The following LSAMP variants were observed in gnomAD, a reference collection of about 807,000 sequenced individuals.
LSAMP encodes the protein limbic system associated membrane protein, also known as limbic system-associated membrane protein.
Under a neutral mutation model 38.6 loss-of-function variants are expected in LSAMP, and 7 were observed. The observed-to-expected ratio is 0.18, with a 90% CI of 0.10 to 0.34. The LOEUF (loss-of-function observed/expected upper bound fraction) is 0.34. LSAMP is among the 10% of genes least tolerant of loss of function. LSAMP has a pLI of 1.00. For synonymous variants in LSAMP, 154 were observed against 166.8 expected (o/e 0.92, Z 0.59); for missense variants, 313 against 420.0 (o/e 0.75, Z 2.23).
intron 6 of LSAMP, among the ~76,000 whole-genome samples, chr3:115,834,903 T>C (rs1483372601): frequency 6.6e-6 from 1 of 152,128 alleles, no homozygotes. Flanking sequence ...TTAGATCTTT[T>C]AGAGAGTTGA....
At chr3:116,060,198 G>GTT (rs55818433) in intron 2 of LSAMP, among the ~76,000 whole-genome samples, 21,202 of 141,910 alleles carry the variant, frequency 0.15, 1,672 homozygotes, top group Admixed American at 0.16. Context: ...AAGCAACATA[G>GTT]TTTTTTTTTT....
chr3:116,441,397 G>T (rs1056884191), intron 1 of LSAMP, among the ~76,000 whole-genome samples: 3 of 152,098 alleles, frequency 2.0e-5, no homozygotes, highest in African/African-American at 7.2e-5. Flanking sequence ...ATAGATATGT[G>T]ATAATATAAT....
intron 2 of LSAMP, among the ~76,000 whole-genome samples, chr3:116,070,757 C>G (rs1421481897): frequency 6.6e-6 from 1 of 152,004 alleles, no homozygotes; most frequent in African/African-American, 2.4e-5. Context: ...AAATAATGTA[C>G]CTGCCGGGCA....
chr3:116,031,764 G>A lies in LSAMP; in HGVS notation c.389-12124C>T, dbSNP rs559513763. 9.2e-5 allele frequency among the ~76,000 whole-genome samples: 14 copies of A among 151,696 alleles called. No homozygotes were observed. The South Asian group carries it at 1.7e-3, about 18-fold the overall frequency. On this transcript the variant is annotated intron_variant, in intron 2 of 6. Transcript: ENST00000490035. ...ATTTAGACCAAGAATATGATTCACA[G>A]GAGGTTTTAGAATTTCTTTCTTTGC...
At chr3:115,990,850 G>T (rs1219084808) in intron 3 of LSAMP, among the ~76,000 whole-genome samples, 1 of 151,868 alleles carries the variant, frequency 6.6e-6, no homozygotes, top group Non-Finnish European at 1.5e-5. Context: ...AGATTCCTAG[G>T]GCTTATCCTC....
intron 3 of LSAMP, among the ~76,000 whole-genome samples, chr3:115,937,935 T>C (rs1247915316): frequency 6.6e-6 from 1 of 152,178 alleles, no homozygotes; most frequent in Non-Finnish European, 1.5e-5. Context: ...AGTAATTTAA[T>C]TTACTATTGT....
chr3:116,055,610 T>C (rs1941477144), intron 2 of LSAMP, among the ~76,000 whole-genome samples: 1 of 152,140 alleles, frequency 6.6e-6, no homozygotes, highest in African/African-American at 2.4e-5. Context: ...AGTAACCTAA[T>C]GGAGAAGAAT....
intron 3 of LSAMP, among the ~76,000 whole-genome samples, chr3:115,984,842 G>A (rs1939464381): frequency 1.3e-5 from 2 of 152,280 alleles, no homozygotes; most frequent in South Asian, 2.1e-4. Context: ...TAGGTTTGAA[G>A]GGAGGACATG....
intron 1 of LSAMP, among the ~76,000 whole-genome samples, chr3:116,351,505 T>G (rs780521766): frequency 6.6e-6 from 1 of 152,064 alleles, no homozygotes; most frequent in Admixed American, 6.6e-5. Flanking sequence ...TATTCACATA[T>G]GTACCCATAC....
intron 3 of LSAMP, among the ~76,000 whole-genome samples, chr3:115,986,783 T>A (rs1301480253): frequency 6.6e-6 from 1 of 150,950 alleles, no homozygotes; most frequent in African/African-American, 2.4e-5. Context: ...GAGGAGGGAG[T>A]TTTCATAACA....
chr3:116,229,594 A>C (rs1381245317), intron 1 of LSAMP, among the ~76,000 whole-genome samples: 2 of 152,198 alleles, frequency 1.3e-5, no homozygotes, highest in Admixed American at 1.3e-4. Context: ...GAAATAACTT[A>C]GATTTACAGA....
chr3:115,950,739 AC>A (rs1313728304), intron 3 of LSAMP, among the ~76,000 whole-genome samples: 3 of 150,336 alleles, frequency 2.0e-5, no homozygotes, highest in Non-Finnish European at 4.4e-5. Flanking sequence ...ACTAGGAAAA[AC>A]AATCCTAAAA....
At chr3:116,153,380 T>C (rs1370941533) in intron 1 of LSAMP, among the ~76,000 whole-genome samples, 2 of 152,114 alleles carry the variant, frequency 1.3e-5, no homozygotes, top group Admixed American at 1.3e-4. Flanking sequence ...CTTTGCAGGG[T>C]TTCTCCTGAA....
At chr3:116,205,939 C>T (rs1321506493) in intron 1 of LSAMP, among the ~76,000 whole-genome samples, 143 of 146,654 alleles carry the variant, frequency 9.8e-4, no homozygotes, top group African/African-American at 3.5e-3. Flanking sequence ...GGGAGGATTC[C>T]CTCTTTTTCT....
At chr3:116,078,277 C>CTTTA (rs34346607) in intron 2 of LSAMP, among the ~76,000 whole-genome samples, 18,527 of 150,116 alleles carry the variant, frequency 0.12, 1,380 homozygotes, top group Non-Finnish European at 0.17. Context: ...TTTATATCCT[C>CTTTA]TTTATTTATT....
At chr3:116,325,757 T>A (rs1185724217) in intron 1 of LSAMP, among the ~76,000 whole-genome samples, 1 of 152,180 alleles carries the variant, frequency 6.6e-6, no homozygotes, top group African/African-American at 2.4e-5. Flanking sequence ...GAGCTGAAGG[T>A]GTGAAAAAAC....
intron 1 of LSAMP, among the ~76,000 whole-genome samples, chr3:116,336,386 T>C (rs1422008854): frequency 6.6e-6 from 1 of 151,988 alleles, no homozygotes; most frequent in Non-Finnish European, 1.5e-5. Flanking sequence ...ATCCAGAATA[T>C]GGAGAAAGTA....
At chr3:116,140,268 TAAC>T (rs150565934) in intron 1 of LSAMP, among the ~76,000 whole-genome samples, 96 of 152,112 alleles carry the variant, frequency 6.3e-4, no homozygotes, top group Non-Finnish European at 1.3e-3. Flanking sequence ...GCAATAACTC[TAAC>T]AAACCACCAG....
chr3:115,955,080 G>A (rs1325218811), intron 3 of LSAMP, among the ~76,000 whole-genome samples: 3 of 151,580 alleles, frequency 2.0e-5, no homozygotes, highest in African/African-American at 7.3e-5. Flanking sequence ...GCAGCCTCCC[G>A]AGTAGCACCA....
Sources: gnomAD v4.1 joint callset for allele counts (sites outside exome capture counted in the v4.1 genomes callset) on GRCh38, gnomAD v4.1.1 for gene constraint, MANE v1.5 for transcripts, NCBI Gene and HGNC (gene_info 2026-07-23, HGNC 2026-07-21) for gene names.